Variants in TANC1 observed in about 807,000 individuals in gnomAD.
TANC1 encodes protein TANC1.
Under a neutral mutation model 149.7 loss-of-function variants are expected in TANC1, and 77 were observed. That is an observed-to-expected ratio of 0.51 (90% CI 0.43 to 0.62). TANC1 has a LOEUF of 0.62. Among genes scored for constraint, TANC1 ranks in the 20% least tolerant of loss-of-function variants. TANC1 has a pLI of 0.00. For missense variants in TANC1, 1,985 were observed against 2,321.8 expected (o/e 0.85, Z 2.98); for synonymous variants, 854 against 925.0 (o/e 0.92, Z 1.39).
chr2:159,163,686 A>G, intron 8 of TANC1, 140 bp downstream of exon 8: 1 of 828,596 alleles, frequency 1.2e-6, no homozygotes, highest in Non-Finnish European at 1.9e-6. Context: ...TCTAAGCCTC[A>G]GTTTACTAAT....
intron 1 of TANC1, among the ~76,000 whole-genome samples, chr2:158,977,727 T>A (rs1330430529): frequency 6.6e-6 from 1 of 152,140 alleles, no homozygotes; most frequent in Non-Finnish European, 1.5e-5. Flanking sequence ...GCATCATACC[T>A]GATATAAGGA....
intron 18 of TANC1, 39 bp from the exon 19 acceptor site, chr2:159,198,936 C>G (rs765961940): frequency 9.4e-6 from 14 of 1,487,380 alleles, no homozygotes; most frequent in Admixed American, 5.0e-5. Context: ...GCACCTCTTG[C>G]TAAGAGAACT....
At chr2:159,107,536 G>C (rs1669709828) in intron 4 of TANC1, among the ~76,000 whole-genome samples, 1 of 152,094 alleles carries the variant, frequency 6.6e-6, no homozygotes, top group Non-Finnish European at 1.5e-5. Flanking sequence ...GTGAAGTAGG[G>C]ACCAACTTCA....
chr2:159,069,699 A>G (rs1241755095), intron 3 of TANC1, among the ~76,000 whole-genome samples: 1 of 152,028 alleles, frequency 6.6e-6, no homozygotes, highest in African/African-American at 2.4e-5. Context: ...GAAAATGAAT[A>G]GGAAAAAAAG....
intron 19 of TANC1, among the ~76,000 whole-genome samples, chr2:159,207,717 A>AAAAAAAAAAAC (rs2058715017): frequency 6.7e-6 from 1 of 149,860 alleles, no homozygotes; most frequent in African/African-American, 2.5e-5. Flanking sequence ...AAAAAAAAAA[A>AAAAAAAAAAAC]AAAAAAAAAA....
chr2:159,137,916 GTGGGAGTGGGGGTAGAAAATT>G (rs964259704), intron 5 of TANC1, among the ~76,000 whole-genome samples: 18 of 152,336 alleles, frequency 1.2e-4, no homozygotes, highest in South Asian at 2.1e-4. Flanking sequence ...TCCTCCTGGT[GTGGGAGTGGGGGTAGAAAATT>G]TGGATTTTTA....
intron 1 of TANC1, among the ~76,000 whole-genome samples, chr2:158,980,769 C>T (rs1443711295): frequency 1.5e-5 from 2 of 137,292 alleles, no homozygotes; most frequent in African/African-American, 5.7e-5. Flanking sequence ...AGCAAGACTC[C>T]ATCTCAAAAA....
At chr2:159,208,142 C>T (rs923233917) in intron 19 of TANC1, among the ~76,000 whole-genome samples, 5 of 152,170 alleles carry the variant, frequency 3.3e-5, no homozygotes, top group Admixed American at 6.5e-5. Context: ...TGAGAATCCA[C>T]CCAGGGTATT....
intron 2 of TANC1, among the ~76,000 whole-genome samples, chr2:159,023,895 G>T (rs1378945440): frequency 6.6e-6 from 1 of 151,758 alleles, no homozygotes; most frequent in Non-Finnish European, 1.5e-5. Flanking sequence ...TTGAACCCAG[G>T]AGGTGGAAGT....
chr2:159,219,970 A>G lies in TANC1; in HGVS notation c.3678+103A>G, dbSNP rs907587424. On this transcript the variant is annotated intron_variant, in intron 22 of 26. Coordinates refer to ENST00000263635, the MANE Select transcript of TANC1 (RefSeq NM_033394.3). The stretch of plus-strand genomic sequence containing the variant: ...CTGCATGAGGTTGTGTCTCAGTGTC[A>G]TCAGAGAGTGTGTGTGTGTGTGTGT... 3.2e-6 allele frequency: 3 copies of G among 923,438 alleles called. No individual in the cohort carries two copies. The African/African-American group carries it at 5.5e-5, about 17-fold the overall frequency. The allele number at this position is 923,438 out of a possible 1,614,324, so 57.2% of individuals were successfully genotyped here.
At chr2:159,087,649 A>G (rs2045068454) in intron 3 of TANC1, among the ~76,000 whole-genome samples, 1 of 151,518 alleles carries the variant, frequency 6.6e-6, no homozygotes, top group African/African-American at 2.4e-5. Flanking sequence ...TTGGGATTAC[A>G]GGTGTGAGCC....
chr2:159,170,909 A>G, intron 10 of TANC1, 104 bp downstream of exon 10: 1 of 1,271,698 alleles, frequency 7.9e-7, no homozygotes, highest in South Asian at 1.4e-5. Context: ...AAGTTGTTGC[A>G]GCTACTATAT....
chr2:159,045,680 G>A (rs892289437), intron 2 of TANC1, among the ~76,000 whole-genome samples: 3 of 152,178 alleles, frequency 2.0e-5, no homozygotes, highest in African/African-American at 7.2e-5. Flanking sequence ...TGTATGGGGA[G>A]TAAACTTATA....
At chr2:159,085,699 A>T (rs1424078127) in intron 3 of TANC1, among the ~76,000 whole-genome samples, 1 of 152,150 alleles carries the variant, frequency 6.6e-6, no homozygotes, top group African/African-American at 2.4e-5. Flanking sequence ...GGCTCTTTTT[A>T]ATAATCAGAT....
At chr2:159,168,895 G>A (rs1158572068) in intron 8 of TANC1, among the ~76,000 whole-genome samples, 1 of 152,144 alleles carries the variant, frequency 6.6e-6, no homozygotes, top group Non-Finnish European at 1.5e-5. Context: ...GAAGAATCTA[G>A]CAGCATGCCA....
At chr2:159,091,589 G>A (rs264626) in intron 3 of TANC1, among the ~76,000 whole-genome samples, 20,487 of 152,082 alleles carry the variant, frequency 0.13, 2,533 homozygotes, top group African/African-American at 0.32. Context: ...ACATTTGTAC[G>A]TTTGGTTCTA....
In TANC1 at chr2:159,230,760, T is replaced by G; in HGVS notation, c.5334T>G (p.Tyr1778Ter). Residue 1778 changes from tyrosine (Y) to a stop codon, truncating the protein, a stop_gained, in exon 27 of 27, where the codon TAT becomes TAG. Coordinates refer to ENST00000263635, the MANE Select transcript of TANC1 (RefSeq NM_033394.3). LOFTEE classifies it high-confidence loss of function. The surrounding 1 kb of genome is among the most constrained non-coding windows in gnomAD (Gnocchi z 4.4). ...CCTCTCTCATGCAAGTGGGAGGATATAATAACCAAGCCAAAACCTGTTCTG... is the reference window on the plus strand; with the variant it reads ...CCTCTCTCATGCAAGTGGGAGGATAGAATAACCAAGCCAAAACCTGTTCTG... Reference protein sequence around the residue: ...EKPSLMQVGGYNNQAKTCSVS... With the variant: ...EKPSLMQVGG The G allele has an allele frequency of 1.2e-6, 2 of 1,614,190 alleles. No individual in the cohort carries two copies. Among genetic ancestry groups the G allele is most frequent in the Non-Finnish European group, 1.7e-6 (2 of 1,180,034 alleles).
At chr2:159,133,960 A>G (rs2050378737) in intron 4 of TANC1, among the ~76,000 whole-genome samples, 1 of 152,220 alleles carries the variant, frequency 6.6e-6, no homozygotes, top group African/African-American at 2.4e-5. Context: ...AGTAGTATAA[A>G]TGCTTTTGTA....
intron 4 of TANC1, among the ~76,000 whole-genome samples, chr2:159,101,499 A>G (rs888941643): frequency 2.0e-5 from 3 of 148,988 alleles, no homozygotes; most frequent in Admixed American, 6.6e-5. Context: ...CTCTTCTGCC[A>G]CCTTCCTCCA....
Sources: gnomAD v4.1 joint callset for allele counts (sites outside exome capture counted in the v4.1 genomes callset) on GRCh38, gnomAD v4.1.1 for gene constraint, Gnocchi (gnomAD v3.1) non-coding constraint, MANE v1.5 for transcripts, NCBI Gene and HGNC (gene_info 2026-07-23, HGNC 2026-07-21) for gene names.